The following NCALD variants were observed in gnomAD, a reference collection of about 807,000 sequenced individuals.
NCALD encodes neurocalcin-delta.
Under a neutral mutation model 18.6 loss-of-function variants are expected in NCALD, and 10 were observed. That is an observed-to-expected ratio of 0.54 (90% CI 0.33 to 0.91). The LOEUF is 0.91. Among genes scored for constraint, NCALD ranks in the 40% least tolerant of loss-of-function variants. The pLI is 0.03. For missense variants in NCALD, 184 were observed against 247.6 expected, an observed-to-expected ratio of 0.74 and a Z score of 1.72; for synonymous variants, 88 against 87.4, an observed-to-expected ratio of 1.01 and a Z score of -0.04.
chr8:101,895,372 T>G (rs1166112719), intron 3 of NCALD, among the ~76,000 whole-genome samples: 1 of 144,848 alleles, frequency 6.9e-6, no homozygotes, highest in Non-Finnish European at 1.5e-5. Context: ...TTCAAAATAA[T>G]AAGAGCTATC....
intron 1 of NCALD, among the ~76,000 whole-genome samples, chr8:101,777,260 G>A (rs957437471): frequency 2.0e-5 from 3 of 152,178 alleles, no homozygotes; most frequent in African/African-American, 4.8e-5. Context: ...CCCAGTCCCC[G>A]TGGGGTGCAC....
intron 1 of NCALD, among the ~76,000 whole-genome samples, chr8:101,773,106 T>G (rs1309364239): frequency 6.6e-6 from 1 of 152,188 alleles, no homozygotes; most frequent in African/African-American, 2.4e-5. Flanking sequence ...GAGCCAGGAT[T>G]TGAACCCCGG....
At chr8:102,091,311 G>GA (rs1162057724) in intron 1 of NCALD, among the ~76,000 whole-genome samples, 1 of 152,024 alleles carries the variant, frequency 6.6e-6, no homozygotes, top group Non-Finnish European at 1.5e-5. Context: ...ACTGGAGAGA[G>GA]AAAAAAAGAA....
At chr8:101,815,589 A>T (rs1395302598) in intron 4 of NCALD, among the ~76,000 whole-genome samples, 1 of 152,168 alleles carries the variant, frequency 6.6e-6, no homozygotes, top group African/African-American at 2.4e-5. Flanking sequence ...AATGTAAATT[A>T]AAATGAGATA....
intron 4 of NCALD, among the ~76,000 whole-genome samples, chr8:101,864,857 A>G (rs1453460614): frequency 1.3e-5 from 2 of 152,088 alleles, no homozygotes; most frequent in Non-Finnish European, 2.9e-5. Context: ...CAGCCTCCCA[A>G]AGTGCTGGGA....
chr8:101,752,610 C>A (rs968484365), intron 1 of NCALD, among the ~76,000 whole-genome samples: 1 of 152,104 alleles, frequency 6.6e-6, no homozygotes, highest in Admixed American at 6.6e-5. Flanking sequence ...CTCTTTCATC[C>A]CCAAATTGAG....
intron 2 of NCALD, among the ~76,000 whole-genome samples, chr8:101,974,631 A>G (rs754726180): frequency 6.6e-6 from 1 of 152,250 alleles, no homozygotes; most frequent in African/African-American, 2.4e-5. Flanking sequence ...AAATGCTTAC[A>G]TGACTAGCTC....
chr8:101,689,133 C>G lies in NCALD; in HGVS notation c.*176G>C. On this transcript the variant is annotated 3_prime_UTR_variant, in exon 4 of 4. Transcript: ENST00000220931. The surrounding 1 kb of genome is among the most constrained non-coding windows in gnomAD (Gnocchi z 4.4). ...CAAGCACACTGGGGCTCTGGGCATT[C>G]CCACGAAGCATCCACGACAAAAGAA... 1.4e-6 allele frequency: 1 copy of G among 712,752 alleles called. No homozygotes were observed. The highest frequency in any genetic ancestry group is 1.5e-5 in the South Asian group (1 of 67,754). 44.2% of individuals were successfully genotyped at this position (712,752 alleles called of 1,614,324 possible).
chr8:101,985,183 A>G (rs1820760941), intron 2 of NCALD, among the ~76,000 whole-genome samples: 1 of 152,146 alleles, frequency 6.6e-6, no homozygotes, highest in Non-Finnish European at 1.5e-5. Flanking sequence ...GTGCACGTGG[A>G]CAGAAGACAG....
At chr8:101,958,833 C>T (rs186726804) in intron 2 of NCALD, among the ~76,000 whole-genome samples, 1 of 152,190 alleles carries the variant, frequency 6.6e-6, no homozygotes, top group African/African-American at 2.4e-5. Flanking sequence ...GAACTCCTAG[C>T]CCACTTTTAT....
intron 2 of NCALD, among the ~76,000 whole-genome samples, chr8:101,998,333 T>C (rs1391810357): frequency 1.3e-5 from 2 of 152,184 alleles, no homozygotes; most frequent in Non-Finnish European, 1.5e-5. Context: ...GGGGGCTCAA[T>C]TGCAATGGGC....
chr8:101,878,022 T>C (rs572268300), intron 4 of NCALD, among the ~76,000 whole-genome samples: 30 of 152,364 alleles, frequency 2.0e-4, no homozygotes, highest in South Asian at 2.1e-4. Context: ...CATCAAACTG[T>C]TACTAATTAT....
chr8:101,828,559 C>CT (rs11370046), intron 4 of NCALD, among the ~76,000 whole-genome samples: 108,128 of 145,858 alleles, frequency 0.74, 40,123 homozygotes, highest in Non-Finnish European at 0.78. Flanking sequence ...TAATTTCCTT[C>CT]TTTTTTTTTT....
chr8:102,115,025 T>C (rs909892511), intron 1 of NCALD, among the ~76,000 whole-genome samples: 8 of 152,208 alleles, frequency 5.3e-5, no homozygotes, highest in Admixed American at 2.0e-4. Context: ...ACAGGCCCCA[T>C]ACTCAGCAGG....
chr8:101,758,716 T>C (rs887785546), intron 1 of NCALD, among the ~76,000 whole-genome samples: 1 of 152,204 alleles, frequency 6.6e-6, no homozygotes, highest in African/African-American at 2.4e-5. Context: ...GAGAGTTCTG[T>C]CTACAGATTA....
At chr8:102,045,532 A>G (rs773519391) in intron 1 of NCALD, among the ~76,000 whole-genome samples, 13 of 152,256 alleles carry the variant, frequency 8.5e-5, no homozygotes, top group Non-Finnish European at 1.5e-4. Context: ...TATGGTAAAC[A>G]GTCAAGCTGT....
At chr8:101,692,121 T>C (rs1489624262) in intron 3 of NCALD, 5 of 980,912 alleles carry the variant, frequency 5.1e-6, no homozygotes, top group African/African-American at 1.7e-5. Context: ...TCCAGGATAA[T>C]TGGGCCTCCT....
At chr8:101,945,679 C>T (rs1819141056) in intron 2 of NCALD, among the ~76,000 whole-genome samples, 1 of 152,198 alleles carries the variant, frequency 6.6e-6, no homozygotes, top group Admixed American at 6.5e-5. Flanking sequence ...CTACTGAAGA[C>T]AGACAATGCT....
At chr8:102,105,176 G>T (rs1825405236) in intron 1 of NCALD, among the ~76,000 whole-genome samples, 1 of 152,056 alleles carries the variant, frequency 6.6e-6, no homozygotes, top group Admixed American at 6.5e-5. Flanking sequence ...TTTGAATCAG[G>T]TTTCTATCAT....
Sources: gnomAD v4.1 joint callset for allele counts (sites outside exome capture counted in the v4.1 genomes callset) on GRCh38, gnomAD v4.1.1 for gene constraint, Gnocchi (gnomAD v3.1) non-coding constraint, MANE v1.5 for transcripts, NCBI Gene and HGNC (gene_info 2026-07-23, HGNC 2026-07-21) for gene names.